Variants in WDR87 observed in about 807,000 individuals in gnomAD.
WDR87 encodes WD repeat domain 87, also known as WD repeat-containing protein 87.
In WDR87, 56 loss-of-function variants were observed where a neutral mutation model predicts 83.3. That is an observed-to-expected ratio of 0.67 (90% CI 0.54 to 0.84). WDR87 has a LOEUF of 0.84. WDR87 is among the 40% of genes least tolerant of loss of function. The pLI is 0.00. For missense variants in WDR87, 2,939 were observed against 3,431.9 expected (o/e 0.86, Z 3.59); for synonymous variants, 1,173 against 1,250.6 (o/e 0.94, Z 1.31).
In WDR87 at chr19:37,885,646, A is replaced by C; in HGVS notation, c.8025T>G (p.Ala2675=). ...GTTCTCCTAGAAGATGCCAATTTTT[A>C]GCCCTTGGGTCTGGAATCCTCTTGG... ...LATKRIPDPR[A]KNWHLLGEPY... The change falls in exon 6 of 6, where the codon GCT becomes GCG. Residue 2675 remains alanine, a synonymous_variant. Coordinates refer to ENST00000447313, the MANE Select transcript of WDR87 (RefSeq NM_001291088.2). The C allele has an allele frequency of 6.4e-7, 1 of 1,551,770 alleles. No individual in the cohort carries two copies. The highest frequency in any genetic ancestry group is 1.4e-5 in the African/African-American group (1 of 73,168).
chr19:37,894,579 T>C lies in WDR87; in HGVS notation c.1124A>G (p.Asn375Ser). Residue 375 changes from asparagine (N) to serine (S), a missense_variant, in exon 4 of 6, where the codon AAT (asparagine) becomes AGT (serine). Physicochemically the swap from Asn to Ser is conservative, Grantham distance 46. Coordinates refer to ENST00000447313, the MANE Select transcript of WDR87 (RefSeq NM_001291088.2). ...GGTACACAGGATCCGGAACCAGTTATTTCCACAGCAGACCCGACGCAACTG... is the reference window on the plus strand; with the variant it reads ...GGTACACAGGATCCGGAACCAGTTACTTCCACAGCAGACCCGACGCAACTG... ...PQQLRRVCCGNNWFRILCTTE... is the reference protein window; with the variant it reads ...PQQLRRVCCGSNWFRILCTTE... 6.4e-7 allele frequency: 1 copy of C among 1,551,702 alleles called. No homozygotes were observed. Among genetic ancestry groups the C allele is most frequent in the Admixed American group, 2.0e-5 (1 of 51,004 alleles).
rs2145429575 is a variant in WDR87, at chr19:37,893,133, C to T, written c.2570G>A (p.Arg857Lys). 2 of 1,551,834 alleles carry T rather than the reference C, an allele frequency of 1.3e-6. No homozygotes were observed. The highest frequency in any genetic ancestry group is 4.9e-5 in the East Asian group (2 of 40,922). ...HAPQRELEWD[R>K]SQEFFFWHSR... ...GTGCCAGAAAAAGAATTCTTGAGAC[C>T]TGTCCCATTCCAGCTCCCGCTGGGG... Residue 857 changes from arginine to lysine, a missense_variant, in exon 4 of 6, where the codon AGG becomes AAG. Physicochemically the swap from Arg to Lys is conservative, Grantham distance 26. This residue lies in a region of WDR87 where 2,160 missense variants were observed against 2,533.1 expected (regional missense o/e 0.85). Transcript: ENST00000447313.
intron 1 of WDR87, among the ~76,000 whole-genome samples, chr19:37,904,151 C>T (rs1185191052): frequency 6.6e-6 from 1 of 152,194 alleles, no homozygotes; most frequent in Non-Finnish European, 1.5e-5. Flanking sequence ...ATCCACCCGC[C>T]TCGGCCTCCC....
At chr19:37,903,600 G>A (rs1160490650) in intron 1 of WDR87, among the ~76,000 whole-genome samples, 3 of 152,094 alleles carry the variant, frequency 2.0e-5, no homozygotes, top group African/African-American at 7.2e-5. Context: ...CATGATCATG[G>A]CTCACTGCAG....
In WDR87 at chr19:37,890,245, C is replaced by T. The variant is rs765641403; in HGVS notation, c.3426G>A (p.Thr1142=). 25 of 1,540,224 alleles carry T rather than the reference C, an allele frequency of 1.6e-5. No homozygotes were observed. The South Asian group carries it at 1.8e-4, about 11-fold the overall frequency. The change falls in exon 6 of 6, where the codon ACG becomes ACA. Residue 1142 remains threonine, a synonymous_variant. Transcript: ENST00000447313. The stretch of plus-strand genomic sequence containing the variant: ...TCATCTGTTTAGAGTCTCTCTCTTT[C>T]GTCTTCTTGAGACCCCGCAACCATT... ...SQKWLRGLKK[T]KERDSKQMST...
rs1167155355 is a variant in WDR87 at position 37,886,169 on chromosome 19, A to G, written c.7502T>C (p.Leu2501Ser). ...GTVLESQAQD[L>S]KTPFMSHILR... ...TATGTGGGACATAAATGGGGTCTTT[A>G]AGTCCTGTGCTTGGGACTCCAAAAC... is the stretch of plus-strand genomic sequence containing the variant. Residue 2501 changes from leucine to serine, a missense_variant, in exon 6 of 6, where the codon TTA becomes TCA. Coordinates refer to ENST00000447313, the MANE Select transcript of WDR87 (RefSeq NM_001291088.2). 2.6e-6 allele frequency: 4 copies of G among 1,551,556 alleles called. No individual in the cohort carries two copies. In the African/African-American group the frequency reaches 5.5e-5, roughly 21 times the overall value.
At position 37,894,832 on chromosome 19, in the gene WDR87, T is replaced by A. The variant is rs1457278082; in HGVS notation, c.871A>T (p.Ser291Cys). Residue 291 changes from serine (S) to cysteine (C), a missense_variant, in exon 4 of 6, where the codon AGC (serine) becomes TGC (cysteine). By Grantham distance (112) the Ser-to-Cys change is moderately radical. Coordinates refer to ENST00000447313, the MANE Select transcript of WDR87 (RefSeq NM_001291088.2). ...AHQSGVICIRSRPEAHTLLTA... is the reference protein window; with the variant it reads ...AHQSGVICIRCRPEAHTLLTA... The stretch of plus-strand genomic sequence containing the variant: ...AGCAGGGTGTGGGCCTCTGGTCGGC[T>A]GCGGATACAGATCACTCCTGATTGA... The A allele has an allele frequency of 6.4e-7, 1 of 1,551,580 alleles. No individual in the cohort carries two copies. Among genetic ancestry groups the A allele is most frequent in the Non-Finnish European group, 8.7e-7 (1 of 1,146,996 alleles).
Position 37,904,892 on chromosome 19 carries a change from T to C in WDR87, c.-47+1607A>G, listed in dbSNP as rs145418482. ...CAGCTAATGCCGCAAATGAGTATCT[T>C]TGTTAGTGCCTCATAACATTTTAAT... is the stretch of plus-strand genomic sequence containing the variant. On this transcript the variant is annotated intron_variant, in intron 1 of 5. Transcript: ENST00000447313. 1.2e-4 allele frequency among the ~76,000 whole-genome samples: 19 copies of C among 152,314 alleles called. No individual in the cohort carries two copies. In the East Asian group the frequency reaches 3.7e-3, roughly 29 times the overall value.
In WDR87 at chr19:37,889,503, G is replaced by A. The variant is rs866649045; in HGVS notation, c.4168C>T (p.Gln1390Ter). The A allele has an allele frequency of 3.2e-6, 5 of 1,551,582 alleles. No individual in the cohort carries two copies. The highest frequency in any genetic ancestry group is 1.4e-5 in the African/African-American group (1 of 73,078). The change falls in exon 6 of 6, where the codon CAA (glutamine) becomes TAA (stop). Residue 1390 changes from glutamine (Q) to a stop codon, truncating the protein, a stop_gained. Transcript: ENST00000447313. LOFTEE classifies it low-confidence loss of function (END_TRUNC). ...CCCAGCATGTCTCTTGCTTTCTTTT[G>A]TGCTTGTTCTTCTTCCCTTGGCATC... ...EVMPREEEQA[Q>*]KKARDMLGLE...
chr19:37,893,309 A>G lies in WDR87; in HGVS notation c.2394T>C (p.Asp798=). The stretch of plus-strand genomic sequence containing the variant: ...GCAATATCTGATAGGGGTTGAGTCC[A>G]TCCCAGCTAGTCAGTTGTAGCTGGG... ...LPPQLQLTSW[D]GLNPYQILRY... The change falls in exon 4 of 6, where the codon GAT becomes GAC. Residue 798 remains aspartate (D), a synonymous_variant. Coordinates refer to ENST00000447313, the MANE Select transcript of WDR87 (RefSeq NM_001291088.2). 6.4e-7 allele frequency: 1 copy of G among 1,551,724 alleles called. No homozygotes were observed. Among genetic ancestry groups the G allele is most frequent in the Non-Finnish European group, 8.7e-7 (1 of 1,146,920 alleles).
chr19:37,894,169 G>A lies in WDR87; in HGVS notation c.1534C>T (p.Leu512=). ...TGGCCACCAAAAATCCCTCCAGACA[G>A]CGTGGAGAGTGCCAGTACAGCGCCA... ...HFGAVLALST[L]SGGIFGGQGN... Residue 512 remains leucine (L), a synonymous_variant, in exon 4 of 6, where the codon CTG becomes TTG. Transcript: ENST00000447313. The A allele has an allele frequency of 6.4e-7, 1 of 1,552,318 alleles. No homozygotes were observed.
In WDR87 at chr19:37,887,777, T is replaced by C; in HGVS notation, c.5894A>G (p.Lys1965Arg). ...TTTTTCCTGGGCCAATTTCTCCTGT[T>C]TTTTGGCCAAACTATCCTCTACTTG... ...LVQVEDSLAKKQEKLAQEKMK... is the reference protein window; with the variant it reads ...LVQVEDSLAKRQEKLAQEKMK... The change falls in exon 6 of 6, where the codon AAA (lysine) becomes AGA (arginine). Residue 1965 changes from lysine to arginine, a missense_variant. Physicochemically the swap from Lys to Arg is conservative, Grantham distance 26. Around this residue, in one of 3 missense-constraint regions of WDR87, gnomAD observed 2,160 missense variants for 2,533.1 expected, o/e 0.85. Coordinates refer to ENST00000447313, the MANE Select transcript of WDR87 (RefSeq NM_001291088.2). 1 of 1,552,086 alleles carries C rather than the reference T, an allele frequency of 6.4e-7. No individual in the cohort carries two copies. The highest frequency in any genetic ancestry group is 8.7e-7 in the Non-Finnish European group (1 of 1,147,094).
At position 37,894,355 on chromosome 19, in the gene WDR87, C is replaced by T. The variant is rs1599766545; in HGVS notation, c.1348G>A (p.Gly450Ser). The part of the protein sequence containing the change: ...RCPCPAKYLL[G>S]TSPNSQDFVQ... Reference sequence around the variant, plus strand: ...AAGTCCTGAGAATTTGGTGAGGTGCCTAAGAGATACTTGGCTGGGCAAGGG... The same window carrying T: ...AAGTCCTGAGAATTTGGTGAGGTGCTTAAGAGATACTTGGCTGGGCAAGGG... Residue 450 changes from glycine to serine, a missense_variant, in exon 4 of 6, where the codon GGC becomes AGC. Physicochemically the swap from Gly to Ser is moderately conservative, Grantham distance 56. Coordinates refer to ENST00000447313, the MANE Select transcript of WDR87 (RefSeq NM_001291088.2). 1.2e-5 allele frequency: 19 copies of T among 1,551,740 alleles called. No individual in the cohort carries two copies. In the East Asian group the frequency reaches 4.6e-4, roughly 38 times the overall value.
rs548162056 is a variant in WDR87 at position 37,886,585 on chromosome 19, G to A, written c.7086C>T (p.Asp2362=). ...MSEEETESLS[D]EEEEEESCSL... ...AGCAGCTCTCCTCTTCCTCTTCCTC[G>A]TCACTCAAACTTTCTGTCTCTTCCT... The change falls in exon 6 of 6, where the codon GAC becomes GAT. Residue 2362 remains aspartate (D), a synonymous_variant. Coordinates refer to ENST00000447313, the MANE Select transcript of WDR87 (RefSeq NM_001291088.2). The A allele has an allele frequency of 1.1e-3, 1,628 of 1,518,984 alleles. 1 individual carries two copies. Among genetic ancestry groups the A allele is most frequent in the Admixed American group, 2.9e-3 (127 of 44,100 alleles). The allele number at this position is 1,518,984 out of a possible 1,614,324, so 94.1% of individuals were successfully genotyped here. A position where few individuals can be genotyped will look rare whatever the true frequency, so the allele number is the denominator to read the frequency against.
chr19:37,894,055 G>A lies in WDR87; in HGVS notation c.1648C>T (p.Pro550Ser). The change falls in exon 4 of 6, where the codon CCT (proline) becomes TCT (serine). Residue 550 changes from proline to serine, a missense_variant. Coordinates refer to ENST00000447313, the MANE Select transcript of WDR87 (RefSeq NM_001291088.2). Reference sequence around the variant, plus strand: ...CAGCTGCTGAGAATGCTGGCGAGAGGCCGCAGTTGTACTTTGACCCCATCA... The same window carrying A: ...CAGCTGCTGAGAATGCTGGCGAGAGACCGCAGTTGTACTTTGACCCCATCA... Reference protein sequence around the residue: ...VLDGVKVQLRPLASILSSCHL... With the variant: ...VLDGVKVQLRSLASILSSCHL... 1 of 1,552,034 alleles carries A rather than the reference G, an allele frequency of 6.4e-7. No individual in the cohort carries two copies. The highest frequency in any genetic ancestry group is 2.4e-5 in the East Asian group (1 of 40,916).
rs1216673611 is a variant in WDR87 at position 37,894,017 on chromosome 19, A to G, written c.1686T>C (p.His562=). 6.4e-7 allele frequency: 1 copy of G among 1,551,892 alleles called. No individual in the cohort carries two copies. Among genetic ancestry groups the G allele is most frequent in the East Asian group, 2.4e-5 (1 of 40,914 alleles). ...ASILSSCHLT[H]LILLPKSVGA... Reference sequence around the variant, plus strand: ...CCACAGACTTGGGCAAGAGTATCAGATGTGTTAGGTGACAGCTGCTGAGAA... The same window carrying G: ...CCACAGACTTGGGCAAGAGTATCAGGTGTGTTAGGTGACAGCTGCTGAGAA... Residue 562 remains histidine (H), a synonymous_variant, in exon 4 of 6, where the codon CAT becomes CAC. Transcript: ENST00000447313.
rs397859251 is a variant in WDR87, at chr19:37,897,204, G to GTTT, written c.76-899_76-897dup. On this transcript the variant is annotated intron_variant, in intron 2 of 5. Transcript: ENST00000447313. ...CTATGAAACATGCATCTGGGATCCTGTTTTTTTTTTTTTTTTTTTTGAGAC... is the reference window on the plus strand; with the variant it reads ...CTATGAAACATGCATCTGGGATCCTGTTTTTTTTTTTTTTTTTTTTTTTGAGAC... Among the ~76,000 whole-genome samples the GTTT allele has an allele frequency of 7.1e-3, 821 of 115,180 alleles. 51 individuals are homozygous for GTTT. The highest frequency in any genetic ancestry group is 0.061 in the East Asian group (236 of 3,870). 75.6% of individuals were successfully genotyped at this position (115,180 alleles called of 152,430 possible). A position where few individuals can be genotyped will look rare whatever the true frequency, so the allele number is the denominator to read the frequency against.
chr19:37,902,965 AT>A (rs1221629095), intron 1 of WDR87, among the ~76,000 whole-genome samples: 1 of 152,240 alleles, frequency 6.6e-6, no homozygotes, highest in Non-Finnish European at 1.5e-5. Flanking sequence ...GATGGGTTAT[AT>A]TATCCTTTAG....
rs1486444318 is a variant in WDR87 at position 37,889,339 on chromosome 19, T to C, written c.4332A>G (p.Lys1444=). 2 of 1,552,058 alleles carry C rather than the reference T, an allele frequency of 1.3e-6. No homozygotes were observed. ...TFQKSPKQGR[K]AVQKERKVGK... ...CTACTTTTCTTTCCTTCTGGACAGC[T>C]TTCCTCCCTTGCTTAGGTGACTTCT... The change falls in exon 6 of 6, where the codon AAA becomes AAG. Residue 1444 remains lysine (K), a synonymous_variant. Transcript: ENST00000447313.
Sources: gnomAD v4.1 joint callset for allele counts (sites outside exome capture counted in the v4.1 genomes callset) on GRCh38, gnomAD v4.1.1 for gene constraint, gnomAD v4.1.1 regional missense constraint, MANE v1.5 for transcripts, NCBI Gene and HGNC (gene_info 2026-07-23, HGNC 2026-07-21) for gene names.